The following RCL1 variants were observed in gnomAD, a reference collection of about 807,000 sequenced individuals.
RCL1 encodes RNA terminal phosphate cyclase like 1.
Under a neutral mutation model 42.4 loss-of-function variants are expected in RCL1, and 24 were observed. The ratio of observed to expected loss-of-function variants is 0.57; its 90% CI spans 0.41 to 0.80. The LOEUF is 0.80. Ranked by LOEUF, RCL1 falls within the 30% of genes least tolerant of loss-of-function variation. The pLI is 0.00. For synonymous variants in RCL1, 228 were observed against 177.3 expected, an observed-to-expected ratio of 1.29 and a Z score of -2.27; for missense variants, 578 against 467.9, an observed-to-expected ratio of 1.24 and a Z score of -2.17.
At chr9:4,795,374 C>A (rs1389920344) in intron 1 of RCL1, among the ~76,000 whole-genome samples, 4 of 152,146 alleles carry the variant, frequency 2.6e-5, no homozygotes, top group Non-Finnish European at 4.4e-5. Context: ...TGAGCCGCTG[C>A]GCCCAGCCTG....
At chr9:4,837,381 C>G (rs1817175637) in intron 5 of RCL1, among the ~76,000 whole-genome samples, 1 of 152,076 alleles carries the variant, frequency 6.6e-6, no homozygotes, top group African/African-American at 2.4e-5. Context: ...ATACACTTTC[C>G]AATACATTCC....
chr9:4,811,007 G>A (rs879831486), intron 1 of RCL1, among the ~76,000 whole-genome samples: 2 of 152,130 alleles, frequency 1.3e-5, no homozygotes, highest in African/African-American at 2.4e-5. Context: ...AGGGTAGTTA[G>A]CATATCCATC....
intron 1 of RCL1, among the ~76,000 whole-genome samples, chr9:4,821,663 G>A (rs1329254362): frequency 6.6e-6 from 1 of 151,872 alleles, no homozygotes; most frequent in Non-Finnish European, 1.5e-5. Flanking sequence ...TTTCCCCCCA[G>A]AGATGGGCAT....
In RCL1 at chr9:4,837,580, G is replaced by A. The variant is rs778289174; in HGVS notation, c.584+3315G>A. On this transcript the variant is annotated intron_variant, in intron 5 of 8. Transcript: ENST00000381750. Reference sequence around the variant, plus strand: ...GTGTGCTCTGTTTTGACACAATCTTGTCATAACAACATGGGTTTCATCACA... The same window carrying A: ...GTGTGCTCTGTTTTGACACAATCTTATCATAACAACATGGGTTTCATCACA... Among the ~76,000 whole-genome samples the A allele has an allele frequency of 4.6e-5, 7 of 152,242 alleles. No homozygotes were observed. The South Asian group carries it at 1.2e-3, about 27-fold the overall frequency.
intron 7 of RCL1, among the ~76,000 whole-genome samples, chr9:4,847,656 C>T (rs1336052202): frequency 1.3e-5 from 2 of 152,228 alleles, no homozygotes; most frequent in Non-Finnish European, 2.9e-5. Flanking sequence ...GATCTGATCT[C>T]TTCACTCATG....
intron 2 of RCL1, among the ~76,000 whole-genome samples, chr9:4,824,817 G>C (rs994156943): frequency 2.6e-5 from 4 of 152,212 alleles, no homozygotes; most frequent in Admixed American, 2.0e-4. Context: ...TGCCAGCTAT[G>C]AGTCCCTTAA....
chr9:4,855,309 G>A (rs10121313), intron 8 of RCL1, among the ~76,000 whole-genome samples: 49,700 of 151,598 alleles, frequency 0.33, 8,404 homozygotes, highest in South Asian at 0.46. Flanking sequence ...TGCTATTTGC[G>A]CTGTGTGGGT....
At chr9:4,835,609 A>G (rs1055168708) in intron 5 of RCL1, among the ~76,000 whole-genome samples, 1 of 152,252 alleles carries the variant, frequency 6.6e-6, no homozygotes, top group Non-Finnish European at 1.5e-5. Context: ...TTACAAAAAG[A>G]TTGGTAAGGA....
rs553572350 is a variant in RCL1 at position 4,844,572 on chromosome 9, C to T, written c.758C>T (p.Thr253Ile). 2 of 1,613,766 alleles carry T rather than the reference C, an allele frequency of 1.2e-6. No individual in the cohort carries two copies. Among genetic ancestry groups the T allele is most frequent in the South Asian group, 2.2e-5 (2 of 90,996 alleles). Residue 253 changes from threonine (T) to isoleucine (I), a missense_variant, in exon 7 of 9, where the codon ACC (threonine) becomes ATC (isoleucine). Coordinates refer to ENST00000381750, the MANE Select transcript of RCL1 (RefSeq NM_005772.5). ...CTGGTTGCTGAGACCACCAGTGGCACCTTCCTCAGTGCTGAACTGGCCTCC... is the reference window on the plus strand; with the variant it reads ...CTGGTTGCTGAGACCACCAGTGGCATCTTCCTCAGTGCTGAACTGGCCTCC... Reference protein sequence around the residue: ...LSLVAETTSGTFLSAELASNP... With the variant: ...LSLVAETTSGIFLSAELASNP...
intron 1 of RCL1, among the ~76,000 whole-genome samples, 159 bp downstream of exon 1, chr9:4,793,386 G>A (rs574288728): frequency 1.1e-4 from 16 of 152,134 alleles, no homozygotes; most frequent in African/African-American, 3.6e-4. Flanking sequence ...GGAGGGGCAG[G>A]CACAGTGGGG....
intron 1 of RCL1, among the ~76,000 whole-genome samples, chr9:4,815,753 C>T (rs1178223538): frequency 6.6e-6 from 1 of 152,134 alleles, no homozygotes; most frequent in Non-Finnish European, 1.5e-5. Flanking sequence ...TTGACTCCTT[C>T]TCTGTGGGGA....
At chr9:4,845,213 A>G (rs1431303792) in intron 7 of RCL1, among the ~76,000 whole-genome samples, 1 of 152,264 alleles carries the variant, frequency 6.6e-6, no homozygotes, top group Non-Finnish European at 1.5e-5. Context: ...AAAGAAGAAA[A>G]AAATTTAAAA....
intron 1 of RCL1, among the ~76,000 whole-genome samples, chr9:4,812,639 A>G (rs1237490708): frequency 2.6e-5 from 4 of 152,044 alleles, no homozygotes; most frequent in Non-Finnish European, 5.9e-5. Context: ...TTGCGGGTCC[A>G]TATGAATATT....
intron 8 of RCL1, among the ~76,000 whole-genome samples, chr9:4,859,890 TC>T (rs199584628): frequency 4.6e-5 from 7 of 151,594 alleles, no homozygotes; most frequent in South Asian, 4.2e-4. Flanking sequence ...TTCTAACCTT[TC>T]CCCCCCCAGT....
In RCL1 at chr9:4,855,925, G is replaced by A. The variant is rs565945607; in HGVS notation, c.972-4200G>A. On this transcript the variant is annotated intron_variant, in intron 8 of 8. Transcript: ENST00000381750. ...CCCATCCTTCTCCAAGAGATCAGAA[G>A]CAAGCTGAGGGCCCGTAGAAATTCT... 4.6e-5 allele frequency among the ~76,000 whole-genome samples: 7 copies of A among 152,290 alleles called. No homozygotes were observed. The East Asian group carries it at 9.7e-4, about 21-fold the overall frequency.
At chr9:4,810,525 A>C (rs926744194) in intron 1 of RCL1, among the ~76,000 whole-genome samples, 11 of 151,876 alleles carry the variant, frequency 7.2e-5, no homozygotes, top group Non-Finnish European at 1.3e-4. Flanking sequence ...GACTTTCTTT[A>C]CTACGTCATG....
intron 3 of RCL1, among the ~76,000 whole-genome samples, chr9:4,829,122 G>C (rs1816867142): frequency 6.6e-6 from 1 of 152,228 alleles, no homozygotes; most frequent in Non-Finnish European, 1.5e-5. Context: ...CTCATTTAGA[G>C]AGATTACAAG....
At chr9:4,811,119 AT>A (rs1430998881) in intron 1 of RCL1, among the ~76,000 whole-genome samples, 1 of 152,068 alleles carries the variant, frequency 6.6e-6, no homozygotes, top group East Asian at 1.9e-4. Context: ...CTCCACAAAA[AT>A]AAAAATAAAA....
chr9:4,820,849 C>G (rs1262513319), intron 1 of RCL1, among the ~76,000 whole-genome samples: 1 of 152,192 alleles, frequency 6.6e-6, no homozygotes, highest in Non-Finnish European at 1.5e-5. Flanking sequence ...CTTTCAAACT[C>G]CTGTGATGCT....
Sources: gnomAD v4.1 joint callset for allele counts (sites outside exome capture counted in the v4.1 genomes callset) on GRCh38, gnomAD v4.1.1 for gene constraint, MANE v1.5 for transcripts, NCBI Gene and HGNC (gene_info 2026-07-23, HGNC 2026-07-21) for gene names.